CCDC7: variants seen among roughly 807,000 people sequenced by gnomAD.
The protein encoded by CCDC7 is coiled-coil domain-containing protein 7.
CCDC7 carries 183 observed loss-of-function variants against 196.9 expected under a neutral mutation model. The observed-to-expected ratio is 0.93, with a 90% CI of 0.82 to 1.05. The LOEUF (loss-of-function observed/expected upper bound fraction) is 1.05. CCDC7 is among the 50% of genes least tolerant of loss of function. CCDC7 has a pLI of 0.00. For missense variants in CCDC7, 1,540 were observed against 1,482.2 expected (o/e 1.04, Z -0.64); for synonymous variants, 525 against 484.6 (o/e 1.08, Z -1.10).
At chr10:32,639,934 A>T (rs1305739851) in intron 20 of CCDC7, among the ~76,000 whole-genome samples, 1 of 152,136 alleles carries the variant, frequency 6.6e-6, no homozygotes, top group Non-Finnish European at 1.5e-5. Flanking sequence ...GTTGTTTTAC[A>T]TTTGCTAAGG....
At chr10:32,467,245 G>GTGTA (rs1272650651) in intron 5 of CCDC7, among the ~76,000 whole-genome samples, 1 of 150,196 alleles carries the variant, frequency 6.7e-6, no homozygotes, top group Non-Finnish European at 1.5e-5. Flanking sequence ...GGGACTACAG[G>GTGTA]TGTATGCCAC....
intron 28 of CCDC7, among the ~76,000 whole-genome samples, chr10:32,731,278 AT>A (rs1044576754): frequency 1.8e-4 from 28 of 152,046 alleles, no homozygotes; most frequent in African/African-American, 4.3e-4. Flanking sequence ...TAGTGTTTGC[AT>A]TTTTTTAAGT....
chr10:32,673,495 T>C lies in CCDC7; in HGVS notation c.2122+9334T>C, dbSNP rs148966204. On this transcript the variant is annotated intron_variant, in intron 21 of 41. Coordinates refer to ENST00000639629, the Ensembl canonical transcript of CCDC7. ...CCTTTTGCCTTTCGAATAAGTGTAT[T>C]GCTAGTATTTTTTCCTTTTTGATGT... 1.3e-3 allele frequency among the ~76,000 whole-genome samples: 192 copies of C among 152,236 alleles called. 1 individual carries two copies. Among genetic ancestry groups the C allele is most frequent in the African/African-American group, 4.2e-3 (176 of 41,568 alleles).
intron 13 of CCDC7, among the ~76,000 whole-genome samples, chr10:32,552,302 C>T (rs1039188637): frequency 1.2e-4 from 18 of 152,104 alleles, no homozygotes; most frequent in Admixed American, 6.5e-5. Context: ...TATGTGTTAG[C>T]GAGTCTCCTG....
intron 5 of CCDC7, among the ~76,000 whole-genome samples, chr10:32,467,959 C>A (rs1001634728): frequency 1.3e-5 from 2 of 152,072 alleles, no homozygotes; most frequent in African/African-American, 4.8e-5. Flanking sequence ...TGGTTTTGTG[C>A]CAGTACCGTG....
At chr10:32,778,872 C>A in intron 28 of CCDC7, 105 bp from the exon 30 acceptor site, 1 of 757,922 alleles carries the variant, frequency 1.3e-6, no homozygotes. Context: ...TTTTGCAGTT[C>A]TCGTTGTAGA....
At chr10:32,675,524 T>C (rs1383481088) in intron 21 of CCDC7, 1 of 152,252 alleles carries the variant, frequency 6.6e-6, no homozygotes, top group Non-Finnish European at 1.5e-5. Context: ...TTAACTTTTA[T>C]ACTAGAGTTA....
At position 32,792,643 on chromosome 10, in the gene CCDC7, A is replaced by G. The variant is rs57611654; in HGVS notation, c.3014-12372A>G. On this transcript the variant is annotated intron_variant, in intron 29 of 41. Coordinates refer to ENST00000639629, the Ensembl canonical transcript of CCDC7. The stretch of plus-strand genomic sequence containing the variant: ...TGGTGAAACCCCATCTCTACTAAAA[A>G]TACAAAAATTCGCTGTGTGTGGTGG... 3.3e-5 allele frequency among the ~76,000 whole-genome samples: 5 copies of G among 152,234 alleles called. No individual in the cohort carries two copies. The East Asian group carries it at 9.7e-4, about 29-fold the overall frequency.
chr10:32,472,056 G>A (rs2038066059), intron 6 of CCDC7, among the ~76,000 whole-genome samples: 1 of 152,172 alleles, frequency 6.6e-6, no homozygotes, highest in South Asian at 2.1e-4. Context: ...TAGAGGTTAA[G>A]TAATATACCT....
intron 31 of CCDC7, among the ~76,000 whole-genome samples, chr10:32,820,967 G>A (rs931695552): frequency 3.0e-4 from 46 of 152,144 alleles, no homozygotes; most frequent in Middle Eastern, 3.4e-3. Flanking sequence ...TTGACAAATG[G>A]GATCTAATTA....
At chr10:32,698,307 G>T (rs1013447631) in intron 24 of CCDC7, among the ~76,000 whole-genome samples, 1 of 152,158 alleles carries the variant, frequency 6.6e-6, no homozygotes, top group Non-Finnish European at 1.5e-5. Context: ...CCAAAGGATC[G>T]CAGGTCCTTG....
chr10:32,515,501 C>G (rs1181760648), intron 9 of CCDC7, among the ~76,000 whole-genome samples: 1 of 152,132 alleles, frequency 6.6e-6, no homozygotes, highest in Non-Finnish European at 1.5e-5. Flanking sequence ...ACTTGGGCAG[C>G]TGGTTATCCC....
chr10:32,820,957 T>C (rs1434835678), intron 31 of CCDC7, among the ~76,000 whole-genome samples: 1 of 152,116 alleles, frequency 6.6e-6, no homozygotes, highest in Admixed American at 6.5e-5. Flanking sequence ...AAAGCCTAAA[T>C]TGACAAATGG....
At chr10:32,686,802 A>C (rs969081451) in intron 22 of CCDC7, among the ~76,000 whole-genome samples, 2 of 152,196 alleles carry the variant, frequency 1.3e-5, no homozygotes, top group African/African-American at 4.8e-5. Flanking sequence ...TTAATGGCCC[A>C]GCCATGTTGC....
intron 29 of CCDC7, among the ~76,000 whole-genome samples, chr10:32,802,928 G>A (rs1360791943): frequency 6.6e-6 from 1 of 152,210 alleles, no homozygotes; most frequent in African/African-American, 2.4e-5. Context: ...CACCCAGATT[G>A]AGAGTGGATC....
At chr10:32,796,493 A>G (rs1263001291) in intron 29 of CCDC7, among the ~76,000 whole-genome samples, 2 of 152,174 alleles carry the variant, frequency 1.3e-5, no homozygotes, top group Non-Finnish European at 2.9e-5. Flanking sequence ...CAAATATAGT[A>G]TGGATATCTT....
chr10:32,759,447 A>C (rs926714746), intron 28 of CCDC7, among the ~76,000 whole-genome samples: 13 of 152,222 alleles, frequency 8.5e-5, no homozygotes, highest in African/African-American at 3.1e-4. Context: ...CCACATATCT[A>C]CAACTATCTG....
intron 28 of CCDC7, among the ~76,000 whole-genome samples, chr10:32,756,759 C>A (rs975223787): frequency 2.7e-4 from 41 of 152,178 alleles, no homozygotes; most frequent in African/African-American, 9.9e-4. Flanking sequence ...ACAGTATTAA[C>A]CTTAAATGTA....
At chr10:32,809,535 AAAAC>A (rs767567804) in intron 30 of CCDC7, among the ~76,000 whole-genome samples, 6 of 152,234 alleles carry the variant, frequency 3.9e-5, no homozygotes, top group Admixed American at 3.3e-4. Flanking sequence ...TTGCAAGAAA[AAAAC>A]AAACAGCCCC....
Sources: allele counts gnomAD v4.1 joint callset (sites outside exome capture counted in the v4.1 genomes callset), GRCh38; gene constraint gnomAD v4.1.1; transcripts MANE v1.5; gene names NCBI Gene and HGNC (gene_info 2026-07-23, HGNC 2026-07-21).